The following GSK3B variants were observed in gnomAD, a reference collection of about 807,000 sequenced individuals.
The protein encoded by GSK3B is glycogen synthase kinase 3 beta.
In GSK3B, 15 loss-of-function variants were observed where a neutral mutation model predicts 56.4. That is an observed-to-expected ratio of 0.27 (90% CI 0.18 to 0.41). The LOEUF is 0.41. Among genes scored for constraint, GSK3B ranks in the 10% least tolerant of loss-of-function variants. The probability of loss-of-function intolerance (pLI) is 1.00; values close to 1 mark genes in which losing one functional copy is unlikely to be tolerated. For missense variants in GSK3B, 300 were observed against 513.4 expected (o/e 0.58, Z 4.02); for synonymous variants, 181 against 188.9 (o/e 0.96, Z 0.34).
chr3:120,088,037 C>T (rs568201088), intron 1 of GSK3B, among the ~76,000 whole-genome samples: 11 of 152,090 alleles, frequency 7.2e-5, no homozygotes, highest in Non-Finnish European at 1.5e-4. Flanking sequence ...GGACTACAGA[C>T]GCACACCACC....
intron 5 of GSK3B, among the ~76,000 whole-genome samples, chr3:119,913,409 T>C (rs886699578): frequency 7.2e-5 from 11 of 152,134 alleles, no homozygotes; most frequent in African/African-American, 2.7e-4. Context: ...CTATAAATTC[T>C]AACTCTGCTA....
At chr3:120,026,440 G>A (rs2057924704) in intron 1 of GSK3B, among the ~76,000 whole-genome samples, 1 of 151,414 alleles carries the variant, frequency 6.6e-6, no homozygotes, top group Non-Finnish European at 1.5e-5. Context: ...ATTACCGCAA[G>A]GGGGTCTGCA....
Position 119,947,368 on chromosome 3 carries a change from T to C in GSK3B, c.283-17A>G, listed in dbSNP as rs754285875. Reference sequence around the variant, plus strand: ...CTCTCGATTCTGAAAAGGAAACACATAAAAATATATTTTTAAAGGATAACA... The same window carrying C: ...CTCTCGATTCTGAAAAGGAAACACACAAAAATATATTTTTAAAGGATAACA... On this transcript the variant is annotated splice_polypyrimidine_tract_variant and intron_variant, in intron 2 of 10. Coordinates refer to ENST00000264235, the MANE Select transcript of GSK3B (RefSeq NM_001146156.2). 7.6e-6 allele frequency: 11 copies of C among 1,452,594 alleles called. No individual in the cohort carries two copies. The Admixed American group carries it at 1.5e-4, about 20-fold the overall frequency. 90.0% of individuals were successfully genotyped at this position (1,452,594 alleles called of 1,614,324 possible).
chr3:120,060,260 C>T (rs2058225479), intron 1 of GSK3B, among the ~76,000 whole-genome samples: 1 of 152,100 alleles, frequency 6.6e-6, no homozygotes, highest in Admixed American at 6.6e-5. Context: ...TCAAGGACAA[C>T]AGCTGCCGAT....
intron 10 of GSK3B, among the ~76,000 whole-genome samples, chr3:119,828,208 C>T (rs148999833): frequency 2.9e-3 from 435 of 152,296 alleles, no homozygotes; most frequent in African/African-American, 0.01. Context: ...ATACGTACAA[C>T]TCTACAACTA....
At chr3:119,867,894 C>G (rs2056203277) in intron 8 of GSK3B, among the ~76,000 whole-genome samples, 1 of 151,836 alleles carries the variant, frequency 6.6e-6, no homozygotes, top group Non-Finnish European at 1.5e-5. Flanking sequence ...CTCTCATGAA[C>G]TAAAACACAA....
At chr3:120,020,705 A>G (rs2057869088) in intron 1 of GSK3B, among the ~76,000 whole-genome samples, 1 of 152,224 alleles carries the variant, frequency 6.6e-6, no homozygotes, top group African/African-American at 2.4e-5. Flanking sequence ...GTGAGAGAAG[A>G]GTCACCTATC....
At chr3:120,059,082 A>AAGAC (rs1295449062) in intron 1 of GSK3B, among the ~76,000 whole-genome samples, 4 of 152,146 alleles carry the variant, frequency 2.6e-5, no homozygotes, top group Non-Finnish European at 5.9e-5. Flanking sequence ...TTCCTTAAAA[A>AAGAC]AGACATACAT....
chr3:120,043,902 G>A (rs1217801132), intron 1 of GSK3B, among the ~76,000 whole-genome samples: 2 of 152,190 alleles, frequency 1.3e-5, no homozygotes, highest in Non-Finnish European at 2.9e-5. Context: ...CAATGCTGAA[G>A]TAAACATTGT....
At chr3:119,863,727 C>A (rs2056140058) in intron 8 of GSK3B, 122 bp from the exon 9 acceptor site, 2 of 631,308 alleles carry the variant, frequency 3.2e-6, no homozygotes, top group Admixed American at 2.9e-5. Context: ...TGGGAAAGGA[C>A]CTTCTAGAAT....
At chr3:119,888,002 A>C (rs2056457889) in intron 7 of GSK3B, among the ~76,000 whole-genome samples, 1 of 152,152 alleles carries the variant, frequency 6.6e-6, no homozygotes, top group South Asian at 2.1e-4. Flanking sequence ...TTCTGCATCA[A>C]GTGAAAATAT....
At chr3:119,956,197 G>A (rs774705472) in intron 2 of GSK3B, among the ~76,000 whole-genome samples, 13 of 152,164 alleles carry the variant, frequency 8.5e-5, no homozygotes, top group South Asian at 2.1e-4. Flanking sequence ...TTCAGTGGCC[G>A]GGGAAGCTGT....
At chr3:119,928,465 C>T (rs928934455) in intron 3 of GSK3B, among the ~76,000 whole-genome samples, 4 of 151,452 alleles carry the variant, frequency 2.6e-5, no homozygotes, top group East Asian at 1.9e-4. Flanking sequence ...ATTAGCCGGG[C>T]ATGGTGGCAG....
chr3:119,958,922 G>A (rs2057242736), intron 2 of GSK3B, among the ~76,000 whole-genome samples: 1 of 152,032 alleles, frequency 6.6e-6, no homozygotes, highest in Non-Finnish European at 1.5e-5. Flanking sequence ...TTACTCAGGA[G>A]AAACTAGAAA....
At chr3:119,900,458 TC>T (rs1247895755) in intron 7 of GSK3B, among the ~76,000 whole-genome samples, 1 of 152,152 alleles carries the variant, frequency 6.6e-6, no homozygotes, top group African/African-American at 2.4e-5. Flanking sequence ...GATAGTTTAA[TC>T]CAGAAATTAA....
At chr3:120,007,256 A>G (rs537523067) in intron 1 of GSK3B, among the ~76,000 whole-genome samples, 1 of 152,206 alleles carries the variant, frequency 6.6e-6, no homozygotes, top group Admixed American at 6.5e-5. Context: ...TCTGAAATTT[A>G]GGCAATAATT....
At chr3:120,006,597 A>G (rs1383840689) in intron 1 of GSK3B, among the ~76,000 whole-genome samples, 2 of 152,240 alleles carry the variant, frequency 1.3e-5, no homozygotes, top group Non-Finnish European at 2.9e-5. Flanking sequence ...ATTAGAACTC[A>G]GCATTAAGAA....
chr3:120,000,452 T>C (rs1444197961), intron 2 of GSK3B, among the ~76,000 whole-genome samples: 2 of 152,196 alleles, frequency 1.3e-5, no homozygotes, highest in African/African-American at 4.8e-5. Context: ...TTCTTTAGAA[T>C]GTTCCAGATA....
chr3:119,943,957 G>C (rs553964531), intron 3 of GSK3B, among the ~76,000 whole-genome samples: 128 of 152,028 alleles, frequency 8.4e-4, no homozygotes, highest in African/African-American at 2.9e-3. Flanking sequence ...AATCCAGAAA[G>C]GTGAAGACTA....
Sources: gnomAD v4.1 joint callset for allele counts (sites outside exome capture counted in the v4.1 genomes callset) on GRCh38, gnomAD v4.1.1 for gene constraint, MANE v1.5 for transcripts, NCBI Gene and HGNC (gene_info 2026-07-23, HGNC 2026-07-21) for gene names.